CNTNAP5: variants seen among roughly 807,000 people sequenced by gnomAD.
CNTNAP5 encodes contactin associated protein family member 5.
Under a neutral mutation model 150.2 loss-of-function variants are expected in CNTNAP5, and 72 were observed. That is an observed-to-expected ratio of 0.48 (90% confidence interval 0.40 to 0.58). The LOEUF (loss-of-function observed/expected upper bound fraction) is 0.58, where lower values mean the gene tolerates loss of function less well. Ranked by LOEUF, CNTNAP5 falls within the 20% of genes least tolerant of loss-of-function variation. CNTNAP5 has a pLI of 0.00. For missense variants in CNTNAP5, 1,636 were observed against 1,626.2 expected, an observed-to-expected ratio of 1.01 and a Z score of -0.10; for synonymous variants, 672 against 619.8, an observed-to-expected ratio of 1.08 and a Z score of -1.25.
intron 23 of CNTNAP5, among the ~76,000 whole-genome samples, chr2:124,912,694 A>C (rs1049996152): frequency 3.9e-5 from 6 of 152,108 alleles, no homozygotes; most frequent in African/African-American, 1.4e-4. Context: ...TGACAAGTGG[A>C]AAAAGAAAGA....
intron 1 of CNTNAP5, among the ~76,000 whole-genome samples, chr2:124,092,214 T>C (rs1234730527): frequency 1.3e-5 from 2 of 152,224 alleles, no homozygotes; most frequent in Non-Finnish European, 2.9e-5. Flanking sequence ...GGGATTTATT[T>C]GCGATAGCCT....
chr2:124,204,969 A>T (rs1449574630), intron 1 of CNTNAP5, among the ~76,000 whole-genome samples: 3 of 152,216 alleles, frequency 2.0e-5, no homozygotes, highest in Admixed American at 2.0e-4. Context: ...CAGGAAGTTC[A>T]CTAAAATGTA....
chr2:124,084,188 A>T (rs1486352765), intron 1 of CNTNAP5, among the ~76,000 whole-genome samples: 3 of 151,960 alleles, frequency 2.0e-5, no homozygotes, highest in African/African-American at 7.2e-5. Context: ...GTATATAGAA[A>T]TACAATTTAT....
At chr2:124,280,167 T>C (rs1466749184) in intron 3 of CNTNAP5, among the ~76,000 whole-genome samples, 1 of 151,560 alleles carries the variant, frequency 6.6e-6, no homozygotes, top group African/African-American at 2.4e-5. Flanking sequence ...TACATATATA[T>C]ACGTATATAT....
chr2:124,793,529 CTGATCAAGTTCATTT>C (rs1296200050), intron 18 of CNTNAP5, among the ~76,000 whole-genome samples: 1 of 152,040 alleles, frequency 6.6e-6, no homozygotes, highest in Non-Finnish European at 1.5e-5. Flanking sequence ...ATTTTAAATT[CTGATCAAGTTCATTT>C]TCTCTAGTCT....
At chr2:124,034,880 C>T (rs920497892) in intron 1 of CNTNAP5, among the ~76,000 whole-genome samples, 23 of 152,130 alleles carry the variant, frequency 1.5e-4, no homozygotes, top group Non-Finnish European at 2.5e-4. Context: ...CTACTGAAGT[C>T]TGTTTCTGGT....
intron 13 of CNTNAP5, among the ~76,000 whole-genome samples, chr2:124,731,465 A>G (rs1454922974): frequency 6.6e-6 from 1 of 151,954 alleles, no homozygotes; most frequent in Non-Finnish European, 1.5e-5. Flanking sequence ...AGGCGTTTAA[A>G]AAGGTTGCCT....
At chr2:124,780,341 A>C (rs1207297513) in intron 17 of CNTNAP5, among the ~76,000 whole-genome samples, 1 of 152,170 alleles carries the variant, frequency 6.6e-6, no homozygotes, top group Non-Finnish European at 1.5e-5. Context: ...TTTGACATTT[A>C]AAGGACACAC....
At chr2:124,888,016 T>C (rs945967114) in intron 21 of CNTNAP5, among the ~76,000 whole-genome samples, 3 of 152,126 alleles carry the variant, frequency 2.0e-5, no homozygotes, top group Non-Finnish European at 4.4e-5. Context: ...GTTTGTCACT[T>C]GGGTATATTG....
intron 1 of CNTNAP5, among the ~76,000 whole-genome samples, chr2:124,200,265 A>C (rs1486802386): frequency 6.6e-6 from 1 of 152,208 alleles, no homozygotes; most frequent in Non-Finnish European, 1.5e-5. Context: ...ATAGTTTTCT[A>C]ATCCGAAGCC....
At position 124,749,101 on chromosome 2, in the gene CNTNAP5, C is replaced by T. The variant is rs181363555; in HGVS notation, c.2234+1716C>T. On this transcript the variant is annotated intron_variant, in intron 14 of 23. Coordinates refer to ENST00000682447, the MANE Select transcript of CNTNAP5 (RefSeq NM_001367498.1). ...GACAATCTTTAAAGAAGAGAATTAT[C>T]GCAAGATGGCACCTATGAGCTTGGG... is the stretch of plus-strand genomic sequence containing the variant. Among the ~76,000 whole-genome samples, 63 of 152,220 alleles carry T rather than the reference C, an allele frequency of 4.1e-4. 1 individual carries two copies. The highest frequency in any genetic ancestry group is 2.8e-3 in the Admixed American group (43 of 15,300).
At chr2:124,651,282 A>G (rs1357157703) in intron 13 of CNTNAP5, among the ~76,000 whole-genome samples, 1 of 152,260 alleles carries the variant, frequency 6.6e-6, no homozygotes, top group South Asian at 2.1e-4. Flanking sequence ...ATTTAAATCA[A>G]TAAGAGAATG....
At chr2:124,149,617 A>G (rs964056480) in intron 1 of CNTNAP5, among the ~76,000 whole-genome samples, 3 of 152,296 alleles carry the variant, frequency 2.0e-5, no homozygotes, top group Admixed American at 2.0e-4. Context: ...AAAGAAAAAG[A>G]CAGACTAAAC....
chr2:124,493,530 C>T lies in CNTNAP5; in HGVS notation c.1063-10762C>T, dbSNP rs565585444. Among the ~76,000 whole-genome samples the T allele has an allele frequency of 2.4e-4, 36 of 151,780 alleles. 1 individual carries two copies. In the South Asian group the frequency reaches 5.0e-3, roughly 21 times the overall value. ...TAATTTTTTATATTTTTAGTAGAGA[C>T]GGGGTTTCACCATGTTGGCCAGGAT... On this transcript the variant is annotated intron_variant, in intron 7 of 23. Coordinates refer to ENST00000682447, the MANE Select transcript of CNTNAP5 (RefSeq NM_001367498.1).
chr2:124,491,240 A>G (rs1694017368), intron 7 of CNTNAP5, among the ~76,000 whole-genome samples: 1 of 152,078 alleles, frequency 6.6e-6, no homozygotes, highest in Non-Finnish European at 1.5e-5. Flanking sequence ...TAACCCTGAC[A>G]AGTACTGTTC....
intron 1 of CNTNAP5, among the ~76,000 whole-genome samples, chr2:124,160,895 C>T (rs1684660313): frequency 3.9e-5 from 6 of 152,050 alleles, no homozygotes; most frequent in Admixed American, 3.9e-4. Flanking sequence ...TTATTTATTT[C>T]ATTTTATTTG....
At chr2:124,841,445 TCTC>T (rs1209604783) in intron 19 of CNTNAP5, among the ~76,000 whole-genome samples, 1 of 151,756 alleles carries the variant, frequency 6.6e-6, no homozygotes, top group Non-Finnish European at 1.5e-5. Flanking sequence ...TCTGTTTTCT[TCTC>T]CTTCTCATGG....
At chr2:124,302,657 G>C (rs1688594168) in intron 3 of CNTNAP5, among the ~76,000 whole-genome samples, 1 of 152,084 alleles carries the variant, frequency 6.6e-6, no homozygotes, top group South Asian at 2.1e-4. Flanking sequence ...CCTCTTATCA[G>C]TCCCCACCTC....
chr2:124,885,860 T>C (rs1334871880), intron 21 of CNTNAP5, among the ~76,000 whole-genome samples: 1 of 152,068 alleles, frequency 6.6e-6, no homozygotes, highest in Non-Finnish European at 1.5e-5. Context: ...AAAAAATCTA[T>C]TGTCCTTTGA....
Sources: allele counts gnomAD v4.1 joint callset (sites outside exome capture counted in the v4.1 genomes callset), GRCh38; gene constraint gnomAD v4.1.1; transcripts MANE v1.5; gene names NCBI Gene and HGNC (gene_info 2026-07-23, HGNC 2026-07-21).